Variants in DMXL1 observed in about 807,000 individuals in gnomAD.
The protein encoded by DMXL1 is Dmx like 1, also known as dmX-like protein 1.
In DMXL1, 99 loss-of-function variants were observed where a neutral mutation model predicts 319.2. The observed-to-expected ratio is 0.31, with a 90% CI of 0.26 to 0.37. DMXL1 has a LOEUF of 0.37. Ranked by LOEUF, DMXL1 falls within the 10% of genes least tolerant of loss-of-function variation. DMXL1 has a pLI of 1.00. For missense variants in DMXL1, 3,745 were observed against 3,595.6 expected (o/e 1.04, Z -1.06); for synonymous variants, 1,385 against 1,235.2 (o/e 1.12, Z -2.54).
chr5:119,105,097 T>G, intron 3 of DMXL1, 83 bp from the exon 4 acceptor site: 3 of 886,668 alleles, frequency 3.4e-6, no homozygotes, highest in Non-Finnish European at 5.6e-6. Context: ...TGTGTTATTG[T>G]AAGAATAACA....
At chr5:119,144,945 C>T (rs1768190741) in intron 15 of DMXL1, among the ~76,000 whole-genome samples, 1 of 151,580 alleles carries the variant, frequency 6.6e-6, no homozygotes, top group African/African-American at 2.4e-5. Flanking sequence ...TATTATGGAC[C>T]TCCTGCCTTT....
intron 28 of DMXL1, among the ~76,000 whole-genome samples, chr5:119,182,621 A>G (rs973502565): frequency 9.2e-5 from 14 of 152,090 alleles, no homozygotes; most frequent in African/African-American, 3.1e-4. Flanking sequence ...ATATTTAAAG[A>G]TAAGCTTCAT....
intron 1 of DMXL1, among the ~76,000 whole-genome samples, chr5:119,088,435 C>T (rs1052403719): frequency 1.2e-4 from 18 of 152,122 alleles, no homozygotes; most frequent in African/African-American, 4.3e-4. Flanking sequence ...GAGAATAAAG[C>T]CCCTTTACAT....
rs114223303 is a variant in DMXL1, at chr5:119,100,281, A to G, written c.214-1654A>G. Among the ~76,000 whole-genome samples, 667 of 151,938 alleles carry G rather than the reference A, an allele frequency of 4.4e-3. 7 individuals carry two copies. The highest frequency in any genetic ancestry group is 0.015 in the African/African-American group (642 of 41,452). On this transcript the variant is annotated intron_variant, in intron 2 of 43. Coordinates refer to ENST00000539542, the MANE Select transcript of DMXL1 (RefSeq NM_001290321.3). ...CCGTCTCTACTACAAAATAAAAAAA[A>G]AAACATTAGCTGGGCGTGGTGGCGG... is the stretch of plus-strand genomic sequence containing the variant.
rs187019589 is a variant in DMXL1, at chr5:119,238,045, G to C, written c.8559+631G>C. On this transcript the variant is annotated intron_variant, in intron 40 of 43. Transcript: ENST00000539542. ...TACTGATCTAAGTAAAAGCAAGCAA[G>C]CATGGGAGGATTGATTAGGGTACCT... is the stretch of plus-strand genomic sequence containing the variant. Among the ~76,000 whole-genome samples, 526 of 152,208 alleles carry C rather than the reference G, an allele frequency of 3.5e-3. 4 individuals are homozygous for C. The highest frequency in any genetic ancestry group is 0.012 in the African/African-American group (493 of 41,550).
In DMXL1 at chr5:119,189,112, T is replaced by C. The variant is rs551947779; in HGVS notation, c.7136-596T>C. On this transcript the variant is annotated intron_variant, in intron 28 of 43. Coordinates refer to ENST00000539542, the MANE Select transcript of DMXL1 (RefSeq NM_001290321.3). ...GGTAATATACTAAAAAAATACTATC[T>C]AATTATAGAGTGTTCACAAAATAAA... is the stretch of plus-strand genomic sequence containing the variant. 6.6e-5 allele frequency among the ~76,000 whole-genome samples: 10 copies of C among 152,322 alleles called. No individual in the cohort carries two copies. The South Asian group carries it at 1.9e-3, about 28-fold the overall frequency.
intron 32 of DMXL1, among the ~76,000 whole-genome samples, chr5:119,200,719 CA>C (rs1780546294): frequency 6.6e-6 from 1 of 151,930 alleles, no homozygotes; most frequent in Admixed American, 6.6e-5. Context: ...ATGTTTTTTC[CA>C]TTTGTTTGTG....
intron 9 of DMXL1, 107 bp downstream of exon 9, chr5:119,121,246 G>T: frequency 1.4e-5 from 12 of 835,690 alleles, no homozygotes; most frequent in South Asian, 7.4e-5. Flanking sequence ...GGAGGTGACT[G>T]TCTTAGCCTA....
intron 7 of DMXL1, 102 bp downstream of exon 7, chr5:119,116,438 G>A: frequency 7.9e-7 from 1 of 1,265,964 alleles, no homozygotes; most frequent in East Asian, 2.3e-5. Context: ...CAGGACTTCT[G>A]AGCCTATGAA....
chr5:119,235,344 A>G (rs1787552475), intron 39 of DMXL1, among the ~76,000 whole-genome samples: 2 of 152,174 alleles, frequency 1.3e-5, no homozygotes, highest in Admixed American at 1.3e-4. Flanking sequence ...GACAGTAGGA[A>G]AACAGAAAAG....
chr5:119,202,903 A>ATATG (rs1781069851), intron 32 of DMXL1, among the ~76,000 whole-genome samples: 1 of 144,272 alleles, frequency 6.9e-6, no homozygotes, highest in Non-Finnish European at 1.5e-5. Flanking sequence ...ATATATATAT[A>ATATG]TATTTATATA....
At chr5:119,076,132 C>T (rs1750803917) in intron 1 of DMXL1, among the ~76,000 whole-genome samples, 3 of 152,126 alleles carry the variant, frequency 2.0e-5, no homozygotes, top group Non-Finnish European at 2.9e-5. Context: ...GGAACTTAAA[C>T]ATCTTAGCTA....
intron 15 of DMXL1, among the ~76,000 whole-genome samples, chr5:119,145,996 G>T (rs1768437818): frequency 6.6e-6 from 1 of 151,152 alleles, no homozygotes. Context: ...CTGTATTTTG[G>T]ATGCCTAACT....
At chr5:119,130,644 G>A (rs1389273432) in intron 10 of DMXL1, among the ~76,000 whole-genome samples, 1 of 151,992 alleles carries the variant, frequency 6.6e-6, no homozygotes, top group African/African-American at 2.4e-5. Flanking sequence ...TGCTCGGCCT[G>A]TGCTTTGTTT....
intron 42 of DMXL1, among the ~76,000 whole-genome samples, chr5:119,242,431 G>C (rs1788996747): frequency 6.6e-6 from 1 of 152,148 alleles, no homozygotes; most frequent in African/African-American, 2.4e-5. Flanking sequence ...TACAGGGTGT[G>C]TATGCACAAA....
intron 19 of DMXL1, among the ~76,000 whole-genome samples, chr5:119,158,738 G>T (rs1361413949): frequency 6.6e-6 from 1 of 152,142 alleles, no homozygotes. Flanking sequence ...CAGTTGAGAG[G>T]ATCATATGGT....
At position 119,133,997 on chromosome 5, in the gene DMXL1, T is replaced by C; in HGVS notation, c.2073T>C (p.Val691=). 6.2e-7 allele frequency: 1 copy of C among 1,614,232 alleles called. No homozygotes were observed. Among genetic ancestry groups the C allele is most frequent in the East Asian group, 2.2e-5 (1 of 44,884 alleles). ...TGACACAACAAAATAAAAGCACTGT[T>C]GACGTGGCATTTCAGGATCCCAGTG... The part of the protein sequence containing the change: ...CSLTQQNKST[V]DVAFQDPSAV... The change falls in exon 12 of 44, where the codon GTT becomes GTC. Residue 691 remains valine, a synonymous_variant. Transcript: ENST00000539542.
chr5:119,080,894 T>A (rs6870955), intron 1 of DMXL1, among the ~76,000 whole-genome samples: 1 of 152,048 alleles, frequency 6.6e-6, no homozygotes, highest in African/African-American at 2.4e-5. Flanking sequence ...TTTCACAAGC[T>A]CTTCAGGAAA....
At chr5:119,111,782 G>C (rs955931474) in intron 5 of DMXL1, among the ~76,000 whole-genome samples, 1 of 152,068 alleles carries the variant, frequency 6.6e-6, no homozygotes, top group African/African-American at 2.4e-5. Flanking sequence ...AGCAACATTG[G>C]GCAATGGAGA....
Sources: gnomAD v4.1 joint callset for allele counts (sites outside exome capture counted in the v4.1 genomes callset) on GRCh38, gnomAD v4.1.1 for gene constraint, MANE v1.5 for transcripts, NCBI Gene and HGNC (gene_info 2026-07-23, HGNC 2026-07-21) for gene names.